Variants in CCDC38 observed in about 807,000 individuals in gnomAD.
CCDC38 encodes coiled-coil domain-containing protein 38.
In CCDC38, 69 loss-of-function variants were observed where a neutral mutation model predicts 72.8. The ratio of observed to expected loss-of-function variants is 0.95; its 90% CI spans 0.78 to 1.16. CCDC38 has a LOEUF of 1.16. Among genes scored for constraint, CCDC38 ranks in the 50% most tolerant of loss-of-function variants. CCDC38 has a pLI of 0.00. For synonymous variants in CCDC38, 201 were observed against 213.2 expected (o/e 0.94, Z 0.50); for missense variants, 626 against 638.9 (o/e 0.98, Z 0.22).
Position 95,941,468 on chromosome 12 carries a change from G to A in CCDC38, c.-15+963C>T, listed in dbSNP as rs145773401. On this transcript the variant is annotated intron_variant, in intron 1 of 15. Coordinates refer to ENST00000344280, the MANE Select transcript of CCDC38 (RefSeq NM_182496.3). ...CTCCCTATGATGAGGATGAGAAAAC[G>A]AGGCTTCGAGAAATTACTGTAAAGA... 1.5e-3 allele frequency among the ~76,000 whole-genome samples: 235 copies of A among 152,232 alleles called. No homozygotes were observed. The Middle Eastern group carries it at 0.017, about 11-fold the overall frequency.
chr12:95,908,731 G>C (rs1269899553), intron 4 of CCDC38, among the ~76,000 whole-genome samples: 1 of 149,608 alleles, frequency 6.7e-6, no homozygotes, highest in Non-Finnish European at 1.5e-5. Flanking sequence ...CTAAGCTTGT[G>C]CTGTACCAAG....
At chr12:95,896,937 A>C (rs1011591834) in intron 7 of CCDC38, among the ~76,000 whole-genome samples, 3 of 152,208 alleles carry the variant, frequency 2.0e-5, no homozygotes, top group African/African-American at 7.2e-5. Flanking sequence ...AGAGGCTGCT[A>C]CTCTAGCTCT....
intron 9 of CCDC38, among the ~76,000 whole-genome samples, chr12:95,889,357 T>A (rs748103873): frequency 1.6e-4 from 24 of 152,110 alleles, no homozygotes; most frequent in Non-Finnish European, 3.2e-4. Flanking sequence ...CTAAAAAGTA[T>A]TGTTAAGAGG....
intron 1 of CCDC38, among the ~76,000 whole-genome samples, chr12:95,938,995 A>G (rs1347309050): frequency 2.0e-5 from 3 of 152,250 alleles, no homozygotes; most frequent in Non-Finnish European, 4.4e-5. Context: ...CATCCATTTT[A>G]GAGGTCGCAT....
Position 95,867,201 on chromosome 12 carries a change from GA to G in CCDC38, c.1579-13del. Reference sequence around the variant, plus strand: ...AGTCGTCTTCCCAACTGAAACAAAAGAAAAACAAAATACTTAATATTTTTTG... The same window carrying G: ...AGTCGTCTTCCCAACTGAAACAAAAGAAAACAAAATACTTAATATTTTTTG... On this transcript the variant is annotated splice_polypyrimidine_tract_variant and intron_variant, in intron 15 of 15. Transcript: ENST00000344280. 7.1e-7 allele frequency: 1 copy of G among 1,407,266 alleles called. No homozygotes were observed. Among genetic ancestry groups the G allele is most frequent in the Admixed American group, 1.9e-5 (1 of 53,140 alleles). The allele number at this position is 1,407,266 out of a possible 1,614,324, so 87.2% of individuals were successfully genotyped here.
intron 4 of CCDC38, among the ~76,000 whole-genome samples, chr12:95,910,863 C>T (rs1565958640): frequency 6.6e-6 from 1 of 151,996 alleles, no homozygotes; most frequent in Non-Finnish European, 1.5e-5. Context: ...GACACTGTCT[C>T]TAAATGAATA....
At chr12:95,925,168 A>G (rs1456303380) in intron 2 of CCDC38, among the ~76,000 whole-genome samples, 1 of 152,072 alleles carries the variant, frequency 6.6e-6, no homozygotes, top group Non-Finnish European at 1.5e-5. Context: ...CTTCCTATCC[A>G]TGAGCATGGA....
At position 95,913,939 on chromosome 12, in the gene CCDC38, G is replaced by A. The variant is rs183226512; in HGVS notation, c.304+3190C>T. On this transcript the variant is annotated intron_variant, in intron 4 of 15. Transcript: ENST00000344280. ...CACGTTCATCAGACACAACGAGGAG[G>A]CAAAAATATTTAACAATGTTTTGTT... 7.2e-5 allele frequency among the ~76,000 whole-genome samples: 11 copies of A among 151,728 alleles called. No homozygotes were observed. The East Asian group carries it at 2.0e-3, about 27-fold the overall frequency.
chr12:95,933,009 A>G (rs1437448400), intron 2 of CCDC38, among the ~76,000 whole-genome samples: 1 of 152,218 alleles, frequency 6.6e-6, no homozygotes, highest in Non-Finnish European at 1.5e-5. Flanking sequence ...GAATAAAAGG[A>G]AATTGGATCT....
intron 10 of CCDC38, among the ~76,000 whole-genome samples, chr12:95,886,049 C>A (rs1316093552): frequency 3.5e-5 from 5 of 141,858 alleles, no homozygotes; most frequent in Non-Finnish European, 6.2e-5. Flanking sequence ...ATAAAGCTTG[C>A]CTATACTAAA....
intron 5 of CCDC38, among the ~76,000 whole-genome samples, chr12:95,899,479 T>C (rs113087303): frequency 1.3e-5 from 2 of 152,256 alleles, no homozygotes; most frequent in South Asian, 4.1e-4. Context: ...TTTGTATTTT[T>C]AGTAGAGATG....
chr12:95,907,468 C>T (rs1471227553), intron 4 of CCDC38, among the ~76,000 whole-genome samples: 1 of 122,464 alleles, frequency 8.2e-6, no homozygotes, highest in Admixed American at 7.1e-5. Flanking sequence ...CCCCCCACCT[C>T]CCTCCCGGAT....
At chr12:95,870,471 ATT>A (rs1033806045) in intron 14 of CCDC38, among the ~76,000 whole-genome samples, 5 of 152,242 alleles carry the variant, frequency 3.3e-5, no homozygotes, top group African/African-American at 1.2e-4. Flanking sequence ...TGTACTGAGC[ATT>A]TTTATTGCAA....
At chr12:95,918,319 A>T (rs2080168243) in intron 3 of CCDC38, among the ~76,000 whole-genome samples, 1 of 152,164 alleles carries the variant, frequency 6.6e-6, no homozygotes, top group African/African-American at 2.4e-5. Context: ...CTTCCCCAGC[A>T]CACACATATG....
chr12:95,895,236 G>T, intron 7 of CCDC38, 90 bp from the exon 8 acceptor site: 3 of 791,582 alleles, frequency 3.8e-6, no homozygotes, highest in Non-Finnish European at 5.7e-6. Flanking sequence ...TTTCTCTTAT[G>T]TACTGAATTA....
In CCDC38 at chr12:95,891,561, T is replaced by C. The variant is rs138683826; in HGVS notation, c.773-631A>G. Among the ~76,000 whole-genome samples the C allele has an allele frequency of 7.6e-3, 1,162 of 152,278 alleles. 7 individuals are homozygous for C. Among genetic ancestry groups the C allele is most frequent in the South Asian group, 0.02 (98 of 4,824 alleles). On this transcript the variant is annotated intron_variant, in intron 8 of 15. Coordinates refer to ENST00000344280, the MANE Select transcript of CCDC38 (RefSeq NM_182496.3). ...TGGGGTTTCACCATGTTGCCCAGGCTGGTCTCCAACTCCTCGGCTCAAGCA... is the reference window on the plus strand; with the variant it reads ...TGGGGTTTCACCATGTTGCCCAGGCCGGTCTCCAACTCCTCGGCTCAAGCA...
rs373282670 is a variant in CCDC38, at chr12:95,872,358, T to G, written c.1381A>C (p.Lys461Gln). The G allele has an allele frequency of 1.2e-6, 2 of 1,614,190 alleles. No individual in the cohort carries two copies. The highest frequency in any genetic ancestry group is 2.2e-5 in the South Asian group (2 of 91,080). Residue 461 changes from lysine to glutamine, a missense_variant, in exon 14 of 16, where the codon AAA (lysine) becomes CAA (glutamine). Physicochemically the swap from Lys to Gln is moderately conservative, Grantham distance 53 (BLOSUM62 1). Coordinates refer to ENST00000344280, the MANE Select transcript of CCDC38 (RefSeq NM_182496.3). ...DGLNPIQKLV[K>Q]VESRLVELCD... The stretch of plus-strand genomic sequence containing the variant: ...AGTTCTACCAGGCGAGATTCTACTT[T>G]TACCAGCTTTTGAATTGGGTTGAGG...
rs1286417675 is a variant in CCDC38 at position 95,878,328 on chromosome 12, A to G, written c.1161T>C (p.Phe387=). The change falls in exon 13 of 16, where the codon TTT becomes TTC. Residue 387 remains phenylalanine (F), a synonymous_variant. Transcript: ENST00000344280. ...TAAGCATTTTTTCTTGCTCCAAAAGAAACTCTATGTTGCTATTTCTATTAC... is the reference window on the plus strand; with the variant it reads ...TAAGCATTTTTTCTTGCTCCAAAAGGAACTCTATGTTGCTATTTCTATTAC... ...IQDKTNSNIE[F]LLEQEKMLKA... 1.9e-6 allele frequency: 3 copies of G among 1,612,906 alleles called. No homozygotes were observed. In the East Asian group the frequency reaches 6.7e-5, roughly 36 times the overall value.
chr12:95,913,036 G>A (rs1192985570), intron 4 of CCDC38, among the ~76,000 whole-genome samples: 1 of 152,110 alleles, frequency 6.6e-6, no homozygotes, highest in African/African-American at 2.4e-5. Flanking sequence ...ATGCATTCCA[G>A]CCTGGGTGAC....
Sources: gnomAD v4.1 joint callset for allele counts (sites outside exome capture counted in the v4.1 genomes callset) on GRCh38, gnomAD v4.1.1 for gene constraint, MANE v1.5 for transcripts, NCBI Gene and HGNC (gene_info 2026-07-23, HGNC 2026-07-21) for gene names.